The following RC3H1 variants were observed in gnomAD, a reference collection of about 807,000 sequenced individuals.
RC3H1 encodes the protein roquin-1.
Under a neutral mutation model 138.2 loss-of-function variants are expected in RC3H1, and 50 were observed. The ratio of observed to expected loss-of-function variants is 0.36; its 90% CI spans 0.29 to 0.46. The LOEUF (loss-of-function observed/expected upper bound fraction) is 0.46. Among genes scored for constraint, RC3H1 ranks in the 20% least tolerant of loss-of-function variants. RC3H1 has a pLI of 1.00. For missense variants in RC3H1, 1,031 were observed against 1,388.1 expected, an observed-to-expected ratio of 0.74 and a Z score of 4.09; for synonymous variants, 462 against 489.1, an observed-to-expected ratio of 0.94 and a Z score of 0.73.
chr1:173,984,084 C>A (rs1240463369), intron 3 of RC3H1, among the ~76,000 whole-genome samples: 5 of 152,202 alleles, frequency 3.3e-5, no homozygotes, highest in Non-Finnish European at 7.3e-5. Context: ...ATTCATTATA[C>A]CGCCTATAGC....
At position 173,946,543 on chromosome 1, in the gene RC3H1, T is replaced by C. The variant is rs954225986; in HGVS notation, c.2894A>G (p.Gln965Arg). Residue 965 changes from glutamine (Q) to arginine (R), a missense_variant, in exon 17 of 20, where the codon CAG becomes CGG. Physicochemically the swap from Gln to Arg is conservative, Grantham distance 43. Transcript: ENST00000367696. ...CAATTGCTGCAATTCTAGTCGTAGC[T>C]GTTCTCTCTCAGCAGATGGAAGGGG... Reference protein sequence around the residue: ...GKPLPSAEREQLRLELQQLNH... With the variant: ...GKPLPSAERERLRLELQQLNH... 6 of 1,614,012 alleles carry C rather than the reference T, an allele frequency of 3.7e-6. No homozygotes were observed. Among genetic ancestry groups the C allele is most frequent in the Non-Finnish European group, 5.1e-6 (6 of 1,179,958 alleles).
chr1:174,013,163 T>C lies in RC3H1; in HGVS notation c.-151+8933A>G, dbSNP rs138332579. Among the ~76,000 whole-genome samples, 1,006 of 152,074 alleles carry C rather than the reference T, an allele frequency of 6.6e-3. 28 individuals are homozygous for C. Among genetic ancestry groups the C allele is most frequent in the Admixed American group, 0.041 (625 of 15,258 alleles). On this transcript the variant is annotated intron_variant, in intron 1 of 19. Coordinates refer to ENST00000367696, the MANE Select transcript of RC3H1 (RefSeq NM_172071.4). ...GGAGTAAAGGATTTTAAATAACCAA[T>C]TGAGGGTTGCTGATAGTACAAGCAA...
At chr1:173,995,054 G>C (rs1276937352) in intron 1 of RC3H1, among the ~76,000 whole-genome samples, 1 of 152,128 alleles carries the variant, frequency 6.6e-6, no homozygotes. Flanking sequence ...GGAGATACAA[G>C]CATATATAAC....
chr1:173,992,685 C>CAA (rs980805371), intron 2 of RC3H1, 70 bp downstream of exon 2: 1 of 1,126,712 alleles, frequency 8.9e-7, no homozygotes, highest in African/African-American at 1.6e-5. Context: ...CACACACACA[C>CAA]ACACACACAC....
At chr1:173,947,631 T>C in intron 14 of RC3H1, 49 bp from the exon 15 acceptor site, 1 of 1,427,426 alleles carries the variant, frequency 7.0e-7, no homozygotes, top group South Asian at 1.2e-5. Flanking sequence ...GATCGCTCTG[T>C]AACCTAATTT....
At chr1:174,003,420 C>CACACAA in intron 1 of RC3H1, among the ~76,000 whole-genome samples, 1 of 150,770 alleles carries the variant, frequency 6.6e-6, no homozygotes, top group East Asian at 2.0e-4. Context: ...CACACACACA[C>CACACAA]GTACGGGGAA....
At chr1:173,978,741 T>C in intron 6 of RC3H1, 121 bp from the exon 7 acceptor site, 1 of 1,035,492 alleles carries the variant, frequency 9.7e-7, no homozygotes, top group Non-Finnish European at 1.4e-6. Flanking sequence ...CCATATACCC[T>C]ACACTTTGGC....
chr1:173,950,762 G>A (rs929743840), intron 14 of RC3H1, among the ~76,000 whole-genome samples: 4 of 151,410 alleles, frequency 2.6e-5, no homozygotes, highest in Admixed American at 2.6e-4. Flanking sequence ...TCCAGGTAGG[G>A]TAGCTCATGC....
chr1:174,005,454 T>C lies in RC3H1; in HGVS notation c.-150-12319A>G, dbSNP rs534828486. On this transcript the variant is annotated intron_variant, in intron 1 of 19. Transcript: ENST00000367696. ...TATATAATTAAGATAGTTTTACATA[T>C]ATAAATTTCATTATAGTCTTTTGAG... Among the ~76,000 whole-genome samples, 9 of 152,350 alleles carry C rather than the reference T, an allele frequency of 5.9e-5. No individual in the cohort carries two copies. In the South Asian group the frequency reaches 1.0e-3, roughly 18 times the overall value.
chr1:173,980,265 A>G (rs1255576831), intron 6 of RC3H1, among the ~76,000 whole-genome samples: 2 of 151,586 alleles, frequency 1.3e-5, no homozygotes, highest in Non-Finnish European at 1.5e-5. Flanking sequence ...GAAAAAAAAA[A>G]AAAAAAAAAA....
At chr1:174,005,333 A>C (rs897368025) in intron 1 of RC3H1, among the ~76,000 whole-genome samples, 4 of 152,170 alleles carry the variant, frequency 2.6e-5, no homozygotes, top group Non-Finnish European at 4.4e-5. Flanking sequence ...CTCAGTCCAA[A>C]TTGCTGACTC....
chr1:173,987,054 T>G (rs1330427479), intron 2 of RC3H1, among the ~76,000 whole-genome samples: 1 of 152,120 alleles, frequency 6.6e-6, no homozygotes, highest in African/African-American at 2.4e-5. Flanking sequence ...AGGGGAAAAG[T>G]GCCATTTTTT....
At chr1:173,961,671 C>A in intron 12 of RC3H1, 54 bp downstream of exon 12, 1 of 1,499,550 alleles carries the variant, frequency 6.7e-7, no homozygotes, top group East Asian at 2.3e-5. Flanking sequence ...AGTAAGGAAT[C>A]ACAGCAAGCA....
At chr1:173,985,317 TATAC>T (rs1219589308) in intron 2 of RC3H1, among the ~76,000 whole-genome samples, 7 of 152,216 alleles carry the variant, frequency 4.6e-5, no homozygotes, top group Non-Finnish European at 8.8e-5. Flanking sequence ...CTCTTTGGTA[TATAC>T]CTAGGAGTCT....
intron 2 of RC3H1, among the ~76,000 whole-genome samples, chr1:173,987,778 C>A (rs1472448048): frequency 1.3e-5 from 2 of 152,078 alleles, no homozygotes; most frequent in Non-Finnish European, 2.9e-5. Context: ...TCTCGTATAT[C>A]TATTTCTGTA....
At chr1:173,979,905 C>A (rs1056508473) in intron 6 of RC3H1, among the ~76,000 whole-genome samples, 2 of 152,080 alleles carry the variant, frequency 1.3e-5, no homozygotes, top group Non-Finnish European at 1.5e-5. Flanking sequence ...TTTATCCCCC[C>A]TAAAGAGACA....
chr1:173,964,232 T>TG, intron 10 of RC3H1, 45 bp from the exon 11 acceptor site: 1 of 1,417,882 alleles, frequency 7.1e-7, no homozygotes, highest in South Asian at 1.2e-5. Context: ...ATACTTCTCA[T>TG]GTGCATAAAT....
chr1:174,017,790 A>AAAAAAAAAAAAC (rs1661888223), intron 1 of RC3H1, among the ~76,000 whole-genome samples: 1 of 112,470 alleles, frequency 8.9e-6, no homozygotes, highest in East Asian at 3.2e-4. Flanking sequence ...GCTCAAAAAA[A>AAAAAAAAAAAAC]AAAAAAAAAA....
chr1:173,984,743 C>A (rs916760013), intron 2 of RC3H1, 124 bp from the exon 3 acceptor site: 25 of 944,594 alleles, frequency 2.6e-5, no homozygotes, highest in Non-Finnish European at 3.4e-5. Flanking sequence ...TTACTGAATT[C>A]TTTCAAAAGA....
Sources: gnomAD v4.1 joint callset for allele counts (sites outside exome capture counted in the v4.1 genomes callset) on GRCh38, gnomAD v4.1.1 for gene constraint, MANE v1.5 for transcripts, NCBI Gene and HGNC (gene_info 2026-07-23, HGNC 2026-07-21) for gene names.